Variants in ACER3 observed in about 807,000 individuals in gnomAD.
The protein encoded by ACER3 is alkaline ceramidase 3.
Under a neutral mutation model 48.9 loss-of-function variants are expected in ACER3, and 16 were observed. That is an observed-to-expected ratio of 0.33 (90% CI 0.22 to 0.50). The LOEUF is 0.50. Ranked by LOEUF, ACER3 falls within the 20% of genes least tolerant of loss-of-function variation. The pLI, the probability that ACER3 is intolerant of heterozygous loss-of-function variation, is 0.98. For synonymous variants in ACER3, 109 were observed against 107.8 expected, an observed-to-expected ratio of 1.01 and a Z score of -0.07; for missense variants, 227 against 326.0, an observed-to-expected ratio of 0.70 and a Z score of 2.34.
intron 1 of ACER3, among the ~76,000 whole-genome samples, chr11:76,907,653 T>C (rs987349514): frequency 9.3e-5 from 14 of 150,256 alleles, no homozygotes; most frequent in African/African-American, 3.4e-4. Context: ...GGTGGATCAC[T>C]TGAGGCAGGA....
chr11:76,977,846 C>T (rs1387213879), intron 4 of ACER3, among the ~76,000 whole-genome samples: 1 of 152,212 alleles, frequency 6.6e-6, no homozygotes, highest in Non-Finnish European at 1.5e-5. Context: ...AAACCCCTTG[C>T]CCCTGCAGGC....
At chr11:76,932,094 G>A (rs910328605) in intron 2 of ACER3, among the ~76,000 whole-genome samples, 8 of 151,868 alleles carry the variant, frequency 5.3e-5, no homozygotes, top group South Asian at 2.1e-4. Flanking sequence ...GACCACAGGC[G>A]TATGCCACCA....
At chr11:76,873,994 G>A (rs1339882089) in intron 1 of ACER3, among the ~76,000 whole-genome samples, 1 of 152,274 alleles carries the variant, frequency 6.6e-6, no homozygotes, top group East Asian at 1.9e-4. Flanking sequence ...AAACTCACCT[G>A]GAGAGTTTTA....
At chr11:76,956,908 T>C (rs1048737223) in intron 2 of ACER3, among the ~76,000 whole-genome samples, 1 of 152,094 alleles carries the variant, frequency 6.6e-6, no homozygotes, top group Non-Finnish European at 1.5e-5. Context: ...AAAATTACAA[T>C]CTAGTGATTT....
At chr11:76,943,399 T>G (rs1357534761) in intron 2 of ACER3, among the ~76,000 whole-genome samples, 1 of 152,076 alleles carries the variant, frequency 6.6e-6, no homozygotes, top group Non-Finnish European at 1.5e-5. Context: ...AATTTCTATC[T>G]TACTTCCTTC....
intron 3 of ACER3, among the ~76,000 whole-genome samples, chr11:76,970,168 C>T (rs560807683): frequency 2.2e-4 from 34 of 151,966 alleles, no homozygotes; most frequent in Admixed American, 3.9e-4. Context: ...AGGATTATAA[C>T]GAGGCATGTC....
chr11:76,897,965 G>A (rs1436955572), intron 1 of ACER3, among the ~76,000 whole-genome samples: 4 of 152,064 alleles, frequency 2.6e-5, no homozygotes, highest in African/African-American at 7.2e-5. Flanking sequence ...TTAAAAAGAT[G>A]TGCACCCAAG....
intron 7 of ACER3, among the ~76,000 whole-genome samples, chr11:77,009,592 T>A (rs1555021677): frequency 6.6e-6 from 1 of 152,178 alleles, no homozygotes; most frequent in African/African-American, 2.4e-5. Flanking sequence ...GGAGGACTGC[T>A]TGAGCCCAGG....
chr11:77,025,826 G>A lies in ACER3; in HGVS notation c.*5499G>A, dbSNP rs1555025655. ...GAGTTTGTCTCCCCTGCTCTAGACT[G>A]TCAGCAAGTGGTACAGTGGTACAGT... On this transcript the variant is annotated 3_prime_UTR_variant, in exon 11 of 11. Coordinates refer to ENST00000532485, the MANE Select transcript of ACER3 (RefSeq NM_018367.7). 1.3e-5 allele frequency: 2 copies of A among 152,218 alleles called. No homozygotes were observed. The allele number at this position is 152,218 out of a possible 1,614,324, so 9.4% of individuals were successfully genotyped here.
intron 7 of ACER3, among the ~76,000 whole-genome samples, chr11:77,009,312 C>T (rs1949214692): frequency 1.3e-5 from 2 of 152,088 alleles, no homozygotes; most frequent in South Asian, 4.1e-4. Context: ...GGGGAGGTGC[C>T]GTACACTTTA....
intron 6 of ACER3, among the ~76,000 whole-genome samples, chr11:76,997,598 A>G (rs1948941692): frequency 2.6e-5 from 4 of 152,218 alleles, no homozygotes; most frequent in African/African-American, 9.6e-5. Flanking sequence ...CTATTCATAT[A>G]CATAGCTTCT....
intron 3 of ACER3, among the ~76,000 whole-genome samples, chr11:76,973,818 G>A (rs1948369968): frequency 6.6e-6 from 1 of 152,142 alleles, no homozygotes; most frequent in South Asian, 2.1e-4. Context: ...CTAATCCAAG[G>A]TCGTGAAGAT....
At chr11:76,986,010 A>G (rs1948678921) in intron 5 of ACER3, among the ~76,000 whole-genome samples, 1 of 152,238 alleles carries the variant, frequency 6.6e-6, no homozygotes, top group African/African-American at 2.4e-5. Flanking sequence ...TCATAGATGG[A>G]CATATTAGCT....
chr11:77,010,941 A>G (rs1949250758), intron 7 of ACER3, among the ~76,000 whole-genome samples: 1 of 152,248 alleles, frequency 6.6e-6, no homozygotes, highest in South Asian at 2.1e-4. Flanking sequence ...AAAAAAACTT[A>G]CATCCCATTA....
chr11:76,983,744 T>A (rs1333621606), intron 4 of ACER3, among the ~76,000 whole-genome samples: 29 of 152,182 alleles, frequency 1.9e-4, no homozygotes, highest in Admixed American at 1.9e-3. Flanking sequence ...GTTGATTCCT[T>A]AGGATATTCT....
chr11:76,964,368 A>G (rs1029678541), intron 3 of ACER3, among the ~76,000 whole-genome samples: 2 of 151,368 alleles, frequency 1.3e-5, no homozygotes, highest in Admixed American at 1.3e-4. Flanking sequence ...GCCTGCCTCT[A>G]TAGGCTCCAC....
intron 1 of ACER3, among the ~76,000 whole-genome samples, chr11:76,875,732 G>GTTTTTTTTTTTTTTT (rs71040037): frequency 2.7e-4 from 18 of 67,072 alleles, no homozygotes; most frequent in Middle Eastern, 0.021. Flanking sequence ...AGTTTTTGTT[G>GTTTTTTTTTTTTTTT]TTTTTTTTTT....
intron 1 of ACER3, among the ~76,000 whole-genome samples, chr11:76,881,945 A>G (rs1324338436): frequency 6.6e-6 from 1 of 150,544 alleles, no homozygotes; most frequent in Non-Finnish European, 1.5e-5. Context: ...CCAATTACAG[A>G]TATATTGCAT....
chr11:76,939,520 G>A (rs1426347247), intron 2 of ACER3, among the ~76,000 whole-genome samples: 1 of 152,110 alleles, frequency 6.6e-6, no homozygotes, highest in Non-Finnish European at 1.5e-5. Context: ...TCCTTGAGTC[G>A]AGGAGGTAGA....
Sources: gnomAD v4.1 joint callset for allele counts (sites outside exome capture counted in the v4.1 genomes callset) on GRCh38, gnomAD v4.1.1 for gene constraint, MANE v1.5 for transcripts, NCBI Gene and HGNC (gene_info 2026-07-23, HGNC 2026-07-21) for gene names.